The following C1orf105 variants were observed in gnomAD, a reference collection of about 807,000 sequenced individuals.
The protein encoded by C1orf105 is chromosome 1 open reading frame 105.
Under a neutral mutation model 20.8 loss-of-function variants are expected in C1orf105, and 17 were observed. That is an observed-to-expected ratio of 0.82 (90% CI 0.56 to 1.23). The LOEUF (loss-of-function observed/expected upper bound fraction) is 1.23. Ranked by LOEUF, C1orf105 falls within the 50% of genes most tolerant of loss-of-function variation. The probability of loss-of-function intolerance (pLI) is 0.00; values close to 1 mark genes in which losing one functional copy is unlikely to be tolerated. For synonymous variants in C1orf105, 72 were observed against 72.1 expected, an observed-to-expected ratio of 1.00 and a Z score of 0.01; for missense variants, 219 against 213.5, an observed-to-expected ratio of 1.03 and a Z score of -0.16.
At chr1:172,450,710 C>T (rs551575504) in intron 3 of C1orf105, among the ~76,000 whole-genome samples, 2 of 152,340 alleles carry the variant, frequency 1.3e-5, no homozygotes, top group South Asian at 2.1e-4. Context: ...CCACTTACTC[C>T]TCCCCTGCCC....
intron 4 of C1orf105, 67 bp from the exon 5 acceptor site, chr1:172,462,110 TG>T: frequency 1.8e-6 from 2 of 1,139,284 alleles, no homozygotes; most frequent in Non-Finnish European, 2.6e-6. Context: ...TTCACTAAAG[TG>T]GTACATTATT....
chr1:172,442,813 G>C lies in C1orf105; in HGVS notation c.22-2260G>C, dbSNP rs139014742. 9.8e-4 allele frequency: 560 copies of C among 572,544 alleles called. 2 individuals are homozygous for C. Among genetic ancestry groups the C allele is most frequent in the African/African-American group, 8.7e-3 (467 of 53,572 alleles). The allele number at this position is 572,544 out of a possible 1,614,324, so 35.5% of individuals were successfully genotyped here. A position where few individuals can be genotyped will look rare whatever the true frequency, so the allele number is the denominator to read the frequency against. On this transcript the variant is annotated intron_variant, in intron 1 of 6. Coordinates refer to ENST00000367727, the MANE Select transcript of C1orf105 (RefSeq NM_139240.4). Reference sequence around the variant, plus strand: ...ATAGATGAATTTGTCTCTGAGGCAGGACAACACAGCCAAGTTCCTAGAAAA... The same window carrying C: ...ATAGATGAATTTGTCTCTGAGGCAGCACAACACAGCCAAGTTCCTAGAAAA...
At chr1:172,453,630 A>G (rs944325697) in intron 3 of C1orf105, among the ~76,000 whole-genome samples, 1 of 152,244 alleles carries the variant, frequency 6.6e-6, no homozygotes, top group African/African-American at 2.4e-5. Flanking sequence ...GCCAGGTTCT[A>G]TCATAGGTTC....
chr1:172,430,951 C>CCA, intron 1 of C1orf105: 1 of 428,902 alleles, frequency 2.3e-6, no homozygotes, highest in East Asian at 3.4e-5. Context: ...TTTTGGGGTA[C>CCA]CACAAACTAT....
intron 5 of C1orf105, among the ~76,000 whole-genome samples, chr1:172,464,593 G>T (rs901246605): frequency 6.6e-6 from 1 of 150,992 alleles, no homozygotes; most frequent in Non-Finnish European, 1.5e-5. Context: ...TAACCAAAAT[G>T]TTTTCTCAGC....
chr1:172,430,190 C>G, intron 1 of C1orf105: 1 of 551,036 alleles, frequency 1.8e-6, no homozygotes, highest in Admixed American at 2.9e-5. Context: ...TGCACCCTTT[C>G]AGTGTGGTTT....
chr1:172,425,505 T>C (rs2071700094), intron 1 of C1orf105, among the ~76,000 whole-genome samples: 1 of 152,112 alleles, frequency 6.6e-6, no homozygotes, highest in Admixed American at 6.5e-5. Context: ...CCAACAAGCC[T>C]TCAGCTGTTT....
intron 3 of C1orf105, among the ~76,000 whole-genome samples, chr1:172,455,395 G>C (rs1336459888): frequency 1.3e-5 from 2 of 152,146 alleles, no homozygotes; most frequent in Non-Finnish European, 2.9e-5. Flanking sequence ...GTAGTGATGG[G>C]CCAGCAAGCG....
chr1:172,444,464 G>A (rs1169490134), intron 1 of C1orf105, among the ~76,000 whole-genome samples: 2 of 152,230 alleles, frequency 1.3e-5, no homozygotes, highest in African/African-American at 4.8e-5. Context: ...GGGTGCTCAT[G>A]ATACAGCCGT....
At chr1:172,425,116 G>C (rs2071690466) in intron 1 of C1orf105, among the ~76,000 whole-genome samples, 1 of 152,222 alleles carries the variant, frequency 6.6e-6, no homozygotes, top group Non-Finnish European at 1.5e-5. Flanking sequence ...GAAGACCTTA[G>C]GATCATACTG....
At chr1:172,462,054 T>A (rs1649731625) in intron 4 of C1orf105, 124 bp from the exon 5 acceptor site, 5 of 715,090 alleles carry the variant, frequency 7.0e-6, no homozygotes, top group Non-Finnish European at 1.2e-5. Context: ...GTCATTCACA[T>A]CACAAAAGGA....
At chr1:172,452,844 T>C in intron 3 of C1orf105, 1 of 1,418,632 alleles carries the variant, frequency 7.0e-7, no homozygotes, top group Non-Finnish European at 9.2e-7. Context: ...AACATTCCAG[T>C]GCCTCTGGCT....
At chr1:172,436,401 C>T (rs12076560) in intron 1 of C1orf105, among the ~76,000 whole-genome samples, 67,081 of 151,978 alleles carry the variant, frequency 0.44, 17,586 homozygotes, top group East Asian at 0.63. Flanking sequence ...GAGATATAGA[C>T]CAATGGAACA....
intron 1 of C1orf105, among the ~76,000 whole-genome samples, chr1:172,437,433 C>T (rs538960967): frequency 1.3e-5 from 2 of 151,924 alleles, no homozygotes; most frequent in South Asian, 2.1e-4. Context: ...ATGTCCTTTG[C>T]AGGGACACGG....
In C1orf105 at chr1:172,429,223, TAC is replaced by T. The variant is rs3838965; in HGVS notation, c.21+8349_21+8350del. On this transcript the variant is annotated intron_variant, in intron 1 of 6. Coordinates refer to ENST00000367727, the MANE Select transcript of C1orf105 (RefSeq NM_139240.4). ...TTGCTGTGAGAAGTAAATACAAATA[TAC>T]ACACACACACACACACACACACACA... Among the ~76,000 whole-genome samples, 945 of 151,084 alleles carry T rather than the reference TAC, an allele frequency of 6.3e-3. 8 individuals carry two copies. The highest frequency in any genetic ancestry group is 0.019 in the African/African-American group (773 of 41,250).
chr1:172,455,223 A>G (rs1323536980), intron 3 of C1orf105, among the ~76,000 whole-genome samples: 1 of 152,178 alleles, frequency 6.6e-6, no homozygotes, highest in Non-Finnish European at 1.5e-5. Flanking sequence ...CCCATGATGC[A>G]TCACCTAAGT....
intron 3 of C1orf105, among the ~76,000 whole-genome samples, chr1:172,450,234 T>G (rs750160558): frequency 5.3e-5 from 8 of 152,176 alleles, no homozygotes; most frequent in Non-Finnish European, 1.0e-4. Flanking sequence ...AGCCTCACCC[T>G]CACTCTCATC....
intron 1 of C1orf105, chr1:172,444,029 C>G: frequency 1.0e-6 from 1 of 1,000,114 alleles, no homozygotes; most frequent in Non-Finnish European, 1.2e-6. Flanking sequence ...ACGGCGGCAC[C>G]CAGCCTTTTT....
chr1:172,445,281 T>C, intron 2 of C1orf105, 123 bp downstream of exon 2: 1 of 766,092 alleles, frequency 1.3e-6, no homozygotes, highest in Non-Finnish European at 2.1e-6. Context: ...TCAAGTCAAG[T>C]GCTTTAAAAA....
Sources: allele counts gnomAD v4.1 joint callset (sites outside exome capture counted in the v4.1 genomes callset), GRCh38; gene constraint gnomAD v4.1.1; transcripts MANE v1.5; gene names NCBI Gene and HGNC (gene_info 2026-07-23, HGNC 2026-07-21).